The following ZMYND11 variants were observed in gnomAD, a reference collection of about 807,000 sequenced individuals.
The protein encoded by ZMYND11 is zinc finger MYND-type containing 11, also known as zinc finger MYND domain-containing protein 11.
Under a neutral mutation model 84.9 loss-of-function variants are expected in ZMYND11, and 9 were observed. The observed-to-expected ratio is 0.11, with a 90% CI of 0.06 to 0.18. The LOEUF is 0.18. ZMYND11 is among the 10% of genes least tolerant of loss of function. The probability of loss-of-function intolerance (pLI) is 1.00; values close to 1 mark genes in which losing one functional copy is unlikely to be tolerated. For synonymous variants in ZMYND11, 250 were observed against 244.1 expected, an observed-to-expected ratio of 1.02 and a Z score of -0.23; for missense variants, 409 against 761.0, an observed-to-expected ratio of 0.54 and a Z score of 5.44.
chr10:237,173 TTTCA>T (rs1345877329), intron 5 of ZMYND11, among the ~76,000 whole-genome samples: 1 of 152,232 alleles, frequency 6.6e-6, no homozygotes, highest in Admixed American at 6.5e-5. Context: ...CATTTTTGAA[TTTCA>T]TTCATCAGAA....
At chr10:241,818 T>C (rs139492443) in intron 9 of ZMYND11, among the ~76,000 whole-genome samples, 2 of 152,236 alleles carry the variant, frequency 1.3e-5, no homozygotes, top group African/African-American at 4.8e-5. Context: ...TCCCGACCTC[T>C]TCTGAGGAAT....
At chr10:211,237 T>A (rs978921973) in intron 3 of ZMYND11, among the ~76,000 whole-genome samples, 2 of 151,268 alleles carry the variant, frequency 1.3e-5, no homozygotes, top group Admixed American at 6.6e-5. Flanking sequence ...ATCTTTTTCT[T>A]AAAAAGAAAA....
intron 1 of ZMYND11, among the ~76,000 whole-genome samples, chr10:137,976 A>G (rs542803053): frequency 2.0e-5 from 3 of 152,300 alleles, no homozygotes; most frequent in East Asian, 3.9e-4. Context: ...AAATTGGACA[A>G]TTTATTTTTG....
intron 3 of ZMYND11, among the ~76,000 whole-genome samples, chr10:216,765 G>A (rs1257554634): frequency 6.6e-6 from 1 of 152,110 alleles, no homozygotes. Context: ...ATGCTGTCTT[G>A]TTATATACTC....
intron 4 of ZMYND11, among the ~76,000 whole-genome samples, chr10:234,794 C>T (rs1792786081): frequency 6.6e-6 from 1 of 152,178 alleles, no homozygotes; most frequent in African/African-American, 2.4e-5. Flanking sequence ...GACAGTTCAT[C>T]AAACTGCTTA....
Position 163,768 on chromosome 10 carries a change from C to T in ZMYND11, c.-19-16226C>T, listed in dbSNP as rs567690182. Among the ~76,000 whole-genome samples, 110 of 152,094 alleles carry T rather than the reference C, an allele frequency of 7.2e-4. No homozygotes were observed. In the Middle Eastern group the frequency reaches 0.017, roughly 24 times the overall value. The stretch of plus-strand genomic sequence containing the variant: ...ACCTGGTTATCTGTGGCTGTCTGTT[C>T]ACATTTAAGGGTGAGACACTAGAAA... On this transcript the variant is annotated intron_variant, in intron 1 of 14. Coordinates refer to ENST00000381604, the MANE Select transcript of ZMYND11 (RefSeq NM_001370100.5).
At chr10:243,559 A>T (rs1325811507) in intron 10 of ZMYND11, among the ~76,000 whole-genome samples, 2 of 152,214 alleles carry the variant, frequency 1.3e-5, no homozygotes, top group Non-Finnish European at 1.5e-5. Flanking sequence ...TATGCAGAAA[A>T]TATTTTTAAA....
upstream of ZMYND11, among the ~76,000 whole-genome samples, chr10:131,321 T>A (rs1249394087): frequency 6.6e-6 from 1 of 152,124 alleles, no homozygotes; most frequent in Non-Finnish European, 1.5e-5. Context: ...ATACTGTACA[T>A]TCATGGACAG....
At chr10:242,220 A>G in intron 10 of ZMYND11, 81 bp downstream of exon 10, 2 of 1,521,124 alleles carry the variant, frequency 1.3e-6, no homozygotes, top group Non-Finnish European at 1.8e-6. Context: ...TCCATCAGAG[A>G]TGCATGAAGT....
At chr10:159,626 A>C (rs1160139470) in intron 1 of ZMYND11, among the ~76,000 whole-genome samples, 2 of 152,042 alleles carry the variant, frequency 1.3e-5, no homozygotes, top group Non-Finnish European at 2.9e-5. Flanking sequence ...GGTTCTTTAC[A>C]TATTAGGGAT....
chr10:180,764 A>G (rs922961404), intron 2 of ZMYND11, among the ~76,000 whole-genome samples: 1 of 152,256 alleles, frequency 6.6e-6, no homozygotes, highest in Non-Finnish European at 1.5e-5. Flanking sequence ...ATCTAAAAAC[A>G]GTCTACTGTT....
At chr10:230,863 A>G (rs1302806795) in intron 4 of ZMYND11, among the ~76,000 whole-genome samples, 1 of 152,172 alleles carries the variant, frequency 6.6e-6, no homozygotes, top group Non-Finnish European at 1.5e-5. Context: ...ACTGATACGT[A>G]TCGAACGTTT....
At chr10:162,851 C>T (rs1450355847) in intron 1 of ZMYND11, among the ~76,000 whole-genome samples, 1 of 151,998 alleles carries the variant, frequency 6.6e-6, no homozygotes, top group Non-Finnish European at 1.5e-5. Flanking sequence ...CATGTTTATT[C>T]CCTGGAGCCC....
At chr10:205,674 AG>A (rs1943991589) in intron 2 of ZMYND11, among the ~76,000 whole-genome samples, 1 of 152,172 alleles carries the variant, frequency 6.6e-6, no homozygotes, top group Non-Finnish European at 1.5e-5. Flanking sequence ...TGGGTGGCAG[AG>A]TGAGACCCTG....
intron 1 of ZMYND11, among the ~76,000 whole-genome samples, chr10:136,955 G>C (rs1294507825): frequency 6.6e-6 from 1 of 152,122 alleles, no homozygotes; most frequent in Non-Finnish European, 1.5e-5. Context: ...GTCATATACA[G>C]TGTATATACA....
intron 4 of ZMYND11, 80 bp downstream of exon 4, chr10:221,436 G>A: frequency 6.9e-7 from 1 of 1,451,088 alleles, no homozygotes; most frequent in Non-Finnish European, 9.4e-7. Context: ...ATCCCAGGTG[G>A]TCTTGCCAGG....
chr10:145,054 G>T (rs1838418194), intron 1 of ZMYND11, among the ~76,000 whole-genome samples: 1 of 150,936 alleles, frequency 6.6e-6, no homozygotes, highest in African/African-American at 2.4e-5. Flanking sequence ...ATTTCATTTA[G>T]AATAATGGCC....
At chr10:249,514 G>T in intron 14 of ZMYND11, 1 of 984,858 alleles carries the variant, frequency 1.0e-6, no homozygotes, top group Non-Finnish European at 1.2e-6. Context: ...TTATACATTA[G>T]ATTTTGTTAA....
chr10:160,226 C>T (rs1475502725), intron 1 of ZMYND11, among the ~76,000 whole-genome samples: 2 of 152,148 alleles, frequency 1.3e-5, no homozygotes, highest in African/African-American at 4.8e-5. Flanking sequence ...TTTGGCTTCC[C>T]AATATGGATA....
Sources: gnomAD v4.1 joint callset for allele counts (sites outside exome capture counted in the v4.1 genomes callset) on GRCh38, gnomAD v4.1.1 for gene constraint, MANE v1.5 for transcripts, NCBI Gene and HGNC (gene_info 2026-07-23, HGNC 2026-07-21) for gene names.